Variants in THEM5 observed in about 807,000 individuals in gnomAD.
THEM5 encodes acyl-coenzyme A thioesterase THEM5.
In THEM5, 28 loss-of-function variants were observed where a neutral mutation model predicts 24.2. The ratio of observed to expected loss-of-function variants is 1.16; its 90% confidence interval spans 0.86 to 1.59. The LOEUF (loss-of-function observed/expected upper bound fraction) is 1.59, where lower values mean the gene tolerates loss of function less well. Among genes scored for constraint, THEM5 ranks in the 40% most tolerant of loss-of-function variants. The pLI, the probability that THEM5 is intolerant of heterozygous loss-of-function variation, is 0.00. For missense variants in THEM5, 260 were observed against 296.8 expected, an observed-to-expected ratio of 0.88 and a Z score of 0.91; for synonymous variants, 87 against 114.5, an observed-to-expected ratio of 0.76 and a Z score of 1.53.
In THEM5 at chr1:151,851,137, A is replaced by C; in HGVS notation, c.380T>G (p.Phe127Cys). 6.2e-7 allele frequency: 1 copy of C among 1,614,202 alleles called. No homozygotes were observed. The highest frequency in any genetic ancestry group is 8.5e-7 in the Non-Finnish European group (1 of 1,180,034). The change falls in exon 3 of 6, where the codon TTT becomes TGT. Residue 127 changes from phenylalanine to cysteine, a missense_variant. Phe to Cys is a radical substitution (Grantham distance 205). Transcript: ENST00000368817. ...TGGCTGGAAAAAGATGACATACTCA[A>C]AGCCTTGTCCTTCCACTTGGATGCA... ...TRCIQVEGQG[F>C]EYVIFFQPTQ...
chr1:151,849,408 A>G (rs1321750985), intron 3 of THEM5, among the ~76,000 whole-genome samples: 1 of 152,058 alleles, frequency 6.6e-6, no homozygotes, highest in Non-Finnish European at 1.5e-5. Flanking sequence ...AGCTGTCCAC[A>G]CTGTACTGCC....
chr1:151,852,412 A>AAGAGCAT lies in THEM5; in HGVS notation c.164_170dup (p.Pro58CysfsTer23). On this transcript the variant is annotated frameshift_variant, in exon 2 of 6. Transcript: ENST00000368817. LOFTEE classifies it high-confidence loss of function. ...TGTCCGAACACCAGCTGGCATTGGG[A>AAGAGCAT]AGAGCATAATCCTTCAAGTCTGTCT... 6.2e-7 allele frequency: 1 copy of AAGAGCAT among 1,614,142 alleles called. No homozygotes were observed. The highest frequency in any genetic ancestry group is 1.1e-5 in the South Asian group (1 of 91,068).
In THEM5 at chr1:151,851,039, A is replaced by G. The variant is rs1009655584; in HGVS notation, c.464+14T>C. ...AAGCCCAGGAGGCAGCCAAGGTCCT[A>G]CCAGTGACCTTACCCTGGGGGCCCC... On this transcript the variant is annotated intron_variant, in intron 3 of 5. Transcript: ENST00000368817. 3.1e-6 allele frequency: 5 copies of G among 1,613,816 alleles called. No homozygotes were observed. In the African/African-American group the frequency reaches 6.7e-5, roughly 22 times the overall value.
At position 151,851,169 on chromosome 1, in the gene THEM5, G is replaced by A. The variant is rs1373235022; in HGVS notation, c.348C>T (p.Phe116=). 1.1e-5 allele frequency: 18 copies of A among 1,614,230 alleles called. No individual in the cohort carries two copies. The highest frequency in any genetic ancestry group is 1.4e-5 in the Non-Finnish European group (16 of 1,180,048). The change falls in exon 3 of 6, where the codon TTC becomes TTT. Residue 116 remains phenylalanine (F), a synonymous_variant. Coordinates refer to ENST00000368817, the MANE Select transcript of THEM5 (RefSeq NM_182578.4). ...VSSDKGDCRI[F]TRCIQVEGQG... ...GTCCTTCCACTTGGATGCACCTGGT[G>A]AAGATGCGACAGTCACCTTTGTCTG...
chr1:151,850,315 G>A lies in THEM5; in HGVS notation c.464+738C>T, dbSNP rs994077703. On this transcript the variant is annotated intron_variant, in intron 3 of 5. Coordinates refer to ENST00000368817, the MANE Select transcript of THEM5 (RefSeq NM_182578.4). Reference sequence around the variant, plus strand: ...AGAGAAGGGGGACAACCATGAACTTGGTGACCCACGGTCAGCCTGATTTCC... The same window carrying A: ...AGAGAAGGGGGACAACCATGAACTTAGTGACCCACGGTCAGCCTGATTTCC... 6 of 152,378 alleles carry A rather than the reference G, an allele frequency of 3.9e-5. No homozygotes were observed. In the East Asian group the frequency reaches 9.6e-4, roughly 24 times the overall value. 9.4% of individuals were successfully genotyped at this position (152,378 alleles called of 1,614,324 possible). A position where few individuals can be genotyped will look rare whatever the true frequency, so the allele number is the denominator to read the frequency against.
At chr1:151,847,504 C>A (rs749837791) in intron 5 of THEM5, 90 bp from the exon 6 acceptor site, 15 of 1,554,324 alleles carry the variant, frequency 9.7e-6, no homozygotes, top group African/African-American at 1.4e-5. Flanking sequence ...GCAAATTACC[C>A]ATTACCTGGG....
In THEM5 at chr1:151,847,183, T is replaced by C. The variant is rs753711466; in HGVS notation, c.*188A>G. 3 of 884,402 alleles carry C rather than the reference T, an allele frequency of 3.4e-6. No homozygotes were observed. The African/African-American group carries it at 4.9e-5, about 15-fold the overall frequency. 54.8% of individuals were successfully genotyped at this position (884,402 alleles called of 1,614,324 possible). A position where few individuals can be genotyped will look rare whatever the true frequency, so the allele number is the denominator to read the frequency against. ...TTGCTGCTTGAGGACCCCTCCCTGCTCTTTGATGGGTCCCAGGCAGGCAGG... is the reference window on the plus strand; with the variant it reads ...TTGCTGCTTGAGGACCCCTCCCTGCCCTTTGATGGGTCCCAGGCAGGCAGG... On this transcript the variant is annotated 3_prime_UTR_variant, in exon 6 of 6. Transcript: ENST00000368817.
rs1037424838 is a variant in THEM5 at position 151,848,072 on chromosome 1, G to A, written c.575+110C>T. The stretch of plus-strand genomic sequence containing the variant: ...AGAGGAATTGCTTGGGAGTGGGCTG[G>A]GGAAGGAGAGTGGCAGGCAGGGCTC... On this transcript the variant is annotated intron_variant, in intron 4 of 5. Transcript: ENST00000368817. 2.1e-6 allele frequency: 3 copies of A among 1,415,082 alleles called. No individual in the cohort carries two copies. In the African/African-American group the frequency reaches 4.2e-5, roughly 20 times the overall value. The allele number at this position is 1,415,082 out of a possible 1,614,324, so 87.7% of individuals were successfully genotyped here. A position where few individuals can be genotyped will look rare whatever the true frequency, so the allele number is the denominator to read the frequency against.
chr1:151,847,510 C>T, intron 5 of THEM5, 96 bp from the exon 6 acceptor site: 1 of 1,509,736 alleles, frequency 6.6e-7, no homozygotes, highest in Non-Finnish European at 9.2e-7. Flanking sequence ...TACCCATTAC[C>T]TGGGTCCTGT....
chr1:151,847,427 G>T lies in THEM5; in HGVS notation c.701-13C>A. 1 of 1,614,058 alleles carries T rather than the reference G, an allele frequency of 6.2e-7. No homozygotes were observed. Among genetic ancestry groups the T allele is most frequent in the Non-Finnish European group, 8.5e-7 (1 of 1,179,988 alleles). On this transcript the variant is annotated splice_polypyrimidine_tract_variant and intron_variant, in intron 5 of 5. Coordinates refer to ENST00000368817, the MANE Select transcript of THEM5 (RefSeq NM_182578.4). ...TGAAGGAAAACACCTGCAAGAGAAG[G>T]GTGAGTTGAGCTGCAAGAGCTGCAC...
chr1:151,853,378 G>T, intron 1 of THEM5, 65 bp downstream of exon 1: 1 of 1,553,288 alleles, frequency 6.4e-7, no homozygotes, highest in South Asian at 1.2e-5. Context: ...GAGGAGATTT[G>T]GGGTGCTCCT....
chr1:151,853,075 T>C (rs1313223602), intron 1 of THEM5, among the ~76,000 whole-genome samples: 1 of 152,206 alleles, frequency 6.6e-6, no homozygotes, highest in African/African-American at 2.4e-5. Flanking sequence ...GGAAGTCCTC[T>C]GTAGCGTCAC....
chr1:151,852,310 G>T lies in THEM5; in HGVS notation c.273C>A (p.Asn91Lys). 6.2e-7 allele frequency: 1 copy of T among 1,614,158 alleles called. No individual in the cohort carries two copies. Among genetic ancestry groups the T allele is most frequent in the African/African-American group, 1.3e-5 (1 of 75,048 alleles). The change falls in exon 2 of 6, where the codon AAC (asparagine) becomes AAA (lysine). Residue 91 changes from asparagine to lysine, a missense_variant. Transcript: ENST00000368817. The stretch of plus-strand genomic sequence containing the variant: ...GCTTGAGTCCCCGGATGTGGTCTCT[G>T]TTGGACTTGAAGGAGGGCAGCTTGA... ...GWIKLPSFKS[N>K]RDHIRGLKLP...
At chr1:151,847,974 G>C in intron 4 of THEM5, 112 bp from the exon 5 acceptor site, 1 of 1,548,724 alleles carries the variant, frequency 6.5e-7, no homozygotes, top group East Asian at 2.3e-5. Context: ...GGACTCAGAA[G>C]TGGCCCTGGG....
chr1:151,847,617 A>C, intron 5 of THEM5, 121 bp downstream of exon 5: 4 of 1,436,190 alleles, frequency 2.8e-6, no homozygotes, highest in Non-Finnish European at 3.9e-6. Flanking sequence ...GCCCTATCCC[A>C]CCCCTAAAGA....
At chr1:151,849,109 C>T (rs973627621) in intron 3 of THEM5, among the ~76,000 whole-genome samples, 1 of 151,770 alleles carries the variant, frequency 6.6e-6, no homozygotes, top group Non-Finnish European at 1.5e-5. Context: ...AACTCAGCTA[C>T]TCGAGAGGCT....
intron 2 of THEM5, among the ~76,000 whole-genome samples, chr1:151,851,787 A>G (rs1321020226): frequency 6.6e-6 from 1 of 152,100 alleles, no homozygotes; most frequent in East Asian, 1.9e-4. Flanking sequence ...CACACACACA[A>G]GAAGGTGGAA....
chr1:151,847,373 A>T lies in THEM5; in HGVS notation c.742T>A (p.Ter248LysextTer85). The T allele has an allele frequency of 6.2e-7, 1 of 1,613,684 alleles. No individual in the cohort carries two copies. Residue 248 changes from the stop codon to lysine, a stop_lost, in exon 6 of 6, where the codon TAA (stop) becomes AAA (lysine). Transcript: ENST00000368817. ...QLQLEEESPQ[*>K] ...CTCTCCTGCAGGCACAGTGACTGTTACTGGGGAGACTCTTCTTCCAACTGC... is the reference window on the plus strand; with the variant it reads ...CTCTCCTGCAGGCACAGTGACTGTTTCTGGGGAGACTCTTCTTCCAACTGC...
intron 3 of THEM5, among the ~76,000 whole-genome samples, chr1:151,849,087 G>T (rs540720517): frequency 1.3e-5 from 2 of 152,150 alleles, no homozygotes; most frequent in Admixed American, 1.3e-4. Context: ...GGGTGTGGTG[G>T]CAAGCGCCTG....
Sources: gnomAD v4.1 joint callset for allele counts (sites outside exome capture counted in the v4.1 genomes callset) on GRCh38, gnomAD v4.1.1 for gene constraint, MANE v1.5 for transcripts, NCBI Gene and HGNC (gene_info 2026-07-23, HGNC 2026-07-21) for gene names.